TRDN: variants seen among roughly 807,000 people sequenced by gnomAD.
TRDN encodes triadin in skeletal muscle.
A neutral mutation model predicts 149.7 loss-of-function variants in TRDN; 161 were observed. That is an observed-to-expected ratio of 1.08 (90% CI 0.95 to 1.23). The LOEUF (loss-of-function observed/expected upper bound fraction) is 1.23, where lower values mean the gene tolerates loss of function less well. Ranked by LOEUF, TRDN falls within the 50% of genes most tolerant of loss-of-function variation. The pLI is 0.00. For synonymous variants in TRDN, 294 were observed against 250.5 expected, an observed-to-expected ratio of 1.17 and a Z score of -1.64; for missense variants, 896 against 823.5, an observed-to-expected ratio of 1.09 and a Z score of -1.08.
intron 9 of TRDN, 120 bp from the exon 10 acceptor site, chr6:123,465,103 T>C (rs1776708752): frequency 1.8e-6 from 2 of 1,103,706 alleles, no homozygotes; most frequent in African/African-American, 1.6e-5. Flanking sequence ...CAAGTATAAA[T>C]CATATTATTA....
chr6:123,590,249 G>T (rs1241180245), intron 1 of TRDN, among the ~76,000 whole-genome samples: 2 of 152,002 alleles, frequency 1.3e-5, no homozygotes, highest in African/African-American at 4.8e-5. Flanking sequence ...ATCAGCAGCG[G>T]CATTAGATTC....
At chr6:123,320,366 A>G (rs2114706498) in intron 23 of TRDN, among the ~76,000 whole-genome samples, 1 of 152,062 alleles carries the variant, frequency 6.6e-6, no homozygotes, top group East Asian at 1.9e-4. Flanking sequence ...TATAAACTTC[A>G]TGAGTCCTGG....
intron 1 of TRDN, among the ~76,000 whole-genome samples, chr6:123,584,626 C>T (rs1783341556): frequency 6.6e-6 from 1 of 152,018 alleles, no homozygotes; most frequent in South Asian, 2.1e-4. Context: ...GAAATTTGGG[C>T]TTGACTGAAG....
At chr6:123,590,275 C>A (rs80242500) in intron 1 of TRDN, among the ~76,000 whole-genome samples, 1 of 152,086 alleles carries the variant, frequency 6.6e-6, no homozygotes, top group Admixed American at 6.6e-5. Context: ...GGATCATGAA[C>A]CCTATAGTGA....
intron 12 of TRDN, among the ~76,000 whole-genome samples, chr6:123,405,021 A>G (rs1327299167): frequency 6.6e-6 from 1 of 152,220 alleles, no homozygotes; most frequent in Non-Finnish European, 1.5e-5. Flanking sequence ...AATACAAGCT[A>G]AGGTTACTGA....
At chr6:123,443,467 T>C (rs1207980991) in intron 10 of TRDN, among the ~76,000 whole-genome samples, 1 of 151,986 alleles carries the variant, frequency 6.6e-6, no homozygotes, top group African/African-American at 2.4e-5. Flanking sequence ...GCAGAGATCC[T>C]GAAATGACAG....
At chr6:123,543,715 TA>T (rs1207334381) in intron 4 of TRDN, among the ~76,000 whole-genome samples, 1 of 152,190 alleles carries the variant, frequency 6.6e-6, no homozygotes, top group Non-Finnish European at 1.5e-5. Context: ...TGTTGACATT[TA>T]AAAATAAAGT....
At chr6:123,341,399 G>C (rs1780058756) in intron 21 of TRDN, among the ~76,000 whole-genome samples, 1 of 151,650 alleles carries the variant, frequency 6.6e-6, no homozygotes, top group Non-Finnish European at 1.5e-5. Context: ...TTTTTTTCCT[G>C]AATATATGTT....
chr6:123,378,561 C>T (rs1341896143), intron 16 of TRDN, among the ~76,000 whole-genome samples: 1 of 151,894 alleles, frequency 6.6e-6, no homozygotes, highest in Non-Finnish European at 1.5e-5. Flanking sequence ...AAGAGGTCCA[C>T]CCACCTCAGC....
chr6:123,374,236 C>T (rs1279122616), intron 19 of TRDN, among the ~76,000 whole-genome samples: 1 of 151,426 alleles, frequency 6.6e-6, no homozygotes, highest in Non-Finnish European at 1.5e-5. Context: ...TAGTCTGTTT[C>T]ATAGATAGCA....
chr6:123,219,939 T>C (rs191713408), intron 40 of TRDN, among the ~76,000 whole-genome samples: 6 of 151,900 alleles, frequency 3.9e-5, no homozygotes, highest in Admixed American at 3.9e-4. Flanking sequence ...TTATCAGAAG[T>C]GGACACTGTT....
At chr6:123,557,131 G>A (rs966064583) in intron 2 of TRDN, among the ~76,000 whole-genome samples, 1 of 149,448 alleles carries the variant, frequency 6.7e-6, no homozygotes, top group African/African-American at 2.5e-5. Flanking sequence ...TTATAAAACG[G>A]CCGCACCCCA....
chr6:123,394,034 T>A (rs1364198659), intron 12 of TRDN, among the ~76,000 whole-genome samples: 2 of 152,156 alleles, frequency 1.3e-5, no homozygotes, highest in African/African-American at 4.8e-5. Flanking sequence ...ATGGCACATG[T>A]AGAACCAAAT....
chr6:123,551,409 T>C (rs1398400089), intron 2 of TRDN, among the ~76,000 whole-genome samples: 2 of 150,780 alleles, frequency 1.3e-5, no homozygotes, highest in Non-Finnish European at 3.0e-5. Context: ...CTGAAGTTGA[T>C]TCTTATTCTG....
intron 1 of TRDN, among the ~76,000 whole-genome samples, chr6:123,584,392 G>A (rs1384311085): frequency 1.8e-5 from 2 of 112,822 alleles, no homozygotes; most frequent in East Asian, 1.5e-3. Context: ...ACGGAGACAT[G>A]ATGCCTAGGC....
At chr6:123,241,279 C>T (rs1775978690) in intron 38 of TRDN, among the ~76,000 whole-genome samples, 2 of 150,736 alleles carry the variant, frequency 1.3e-5, no homozygotes, top group Non-Finnish European at 3.0e-5. Flanking sequence ...AAATATGATG[C>T]TTTAGTTATG....
intron 38 of TRDN, among the ~76,000 whole-genome samples, chr6:123,235,539 C>T (rs143738615): frequency 5.3e-5 from 8 of 152,134 alleles, no homozygotes; most frequent in South Asian, 2.1e-4. Context: ...AAGTTTTGTA[C>T]GTTATTAATT....
At chr6:123,303,091 T>C (rs1778487621) in intron 24 of TRDN, among the ~76,000 whole-genome samples, 1 of 152,118 alleles carries the variant, frequency 6.6e-6, no homozygotes, top group African/African-American at 2.4e-5. Flanking sequence ...TTAAAGAAGC[T>C]GAGACTTAGA....
chr6:123,521,984 T>G (rs1779703363), intron 5 of TRDN, among the ~76,000 whole-genome samples: 1 of 152,192 alleles, frequency 6.6e-6, no homozygotes, highest in Non-Finnish European at 1.5e-5. Flanking sequence ...AAGTAGGTAC[T>G]GTGAATAAGT....
Sources: gnomAD v4.1 joint callset for allele counts (sites outside exome capture counted in the v4.1 genomes callset) on GRCh38, gnomAD v4.1.1 for gene constraint, MANE v1.5 for transcripts, NCBI Gene and HGNC (gene_info 2026-07-23, HGNC 2026-07-21) for gene names.